Variants in C11orf24 observed in about 807,000 individuals in gnomAD.
The protein encoded by C11orf24 is uncharacterized protein C11orf24.
C11orf24 carries 5 observed loss-of-function variants against 7.3 expected under a neutral mutation model. The ratio of observed to expected loss-of-function variants is 0.69; its 90% confidence interval spans 0.36 to 1.45. C11orf24 has a LOEUF of 1.45. Ranked by LOEUF, C11orf24 falls within the 40% of genes most tolerant of loss-of-function variation. C11orf24 has a pLI of 0.03. For synonymous variants in C11orf24, 233 were observed against 235.7 expected (o/e 0.99, Z 0.11); for missense variants, 566 against 590.5 (o/e 0.96, Z 0.43).
At chr11:68,263,025 G>T in intron 3 of C11orf24, 107 bp from the exon 4 acceptor site, 1 of 943,736 alleles carries the variant, frequency 1.1e-6, no homozygotes, top group Non-Finnish European at 1.6e-6. Flanking sequence ...CCCCTCCTCA[G>T]CCCAGCCAGA....
In C11orf24 at chr11:68,261,953, C is replaced by CT; in HGVS notation, c.1041dup (p.Glu348ArgfsTer3). On this transcript the variant is annotated frameshift_variant, in exon 4 of 4. Coordinates refer to ENST00000304271, the MANE Select transcript of C11orf24 (RefSeq NM_022338.4). LOFTEE classifies it low-confidence loss of function (END_TRUNC). ...TCAGTACCTGGTGTGGCTTCAGTCT[C>CT]TACCTGCTCCGGTGCCTGGGATGTG... 1 of 1,613,972 alleles carries CT rather than the reference C, an allele frequency of 6.2e-7. No homozygotes were observed. The highest frequency in any genetic ancestry group is 1.1e-5 in the South Asian group (1 of 91,086).
intron 3 of C11orf24, 77 bp downstream of exon 3, chr11:68,263,615 G>A: frequency 7.1e-7 from 1 of 1,399,330 alleles, no homozygotes; most frequent in African/African-American, 1.4e-5. Flanking sequence ...TGGGTTTGCA[G>A]ATGCTGCTTT....
At chr11:68,270,880 A>G (rs1289592209) in intron 1 of C11orf24, among the ~76,000 whole-genome samples, 1 of 152,176 alleles carries the variant, frequency 6.6e-6, no homozygotes, top group East Asian at 1.9e-4. Context: ...ACACAGACTT[A>G]TGGCTTTGTG....
rs1555053673 is a variant in C11orf24 at position 68,262,454 on chromosome 11, T to A, written c.541A>T (p.Thr181Ser). 1.2e-6 allele frequency: 2 copies of A among 1,614,038 alleles called. No homozygotes were observed. Among genetic ancestry groups the A allele is most frequent in the Admixed American group, 1.7e-5 (1 of 60,022 alleles). ...STSTGRTPST[T>S]ATGHPSLSTA... The stretch of plus-strand genomic sequence containing the variant: ...CTGAGAGATGGATGCCCAGTGGCGG[T>A]AGTGGACGGGGTCCGCCCTGTGGAA... The change falls in exon 4 of 4, where the codon ACC (threonine) becomes TCC (serine). Residue 181 changes from threonine (T) to serine (S), a missense_variant. Coordinates refer to ENST00000304271, the MANE Select transcript of C11orf24 (RefSeq NM_022338.4).
At chr11:68,263,023 C>A in intron 3 of C11orf24, 105 bp from the exon 4 acceptor site, 2 of 944,466 alleles carry the variant, frequency 2.1e-6, no homozygotes, top group Non-Finnish European at 3.2e-6. Context: ...GCCCCCTCCT[C>A]AGCCCAGCCA....
intron 2 of C11orf24, among the ~76,000 whole-genome samples, chr11:68,266,313 C>T (rs1034257215): frequency 2.0e-5 from 3 of 152,178 alleles, no homozygotes; most frequent in Non-Finnish European, 4.4e-5. Flanking sequence ...GCAGCCACTG[C>T]GCAACAAGAA....
rs374774222 is a variant in C11orf24 at position 68,261,699 on chromosome 11, G to A, written c.1296C>T (p.Asp432=). Residue 432 remains aspartate, a synonymous_variant, in exon 4 of 4, where the codon GAC becomes GAT. Transcript: ENST00000304271. ...TGATTAAGTAGTCCACCTGGGTGTA[G>A]TCCTTCTTCTTGTAGCTCTCATAGG... is the stretch of plus-strand genomic sequence containing the variant. ...LQAYESYKKK[D]YTQVDYLING... The A allele has an allele frequency of 3.1e-6, 5 of 1,614,160 alleles. No individual in the cohort carries two copies. The highest frequency in any genetic ancestry group is 4.2e-6 in the Non-Finnish European group (5 of 1,179,990).
At chr11:68,268,719 G>A (rs189270373) in intron 1 of C11orf24, among the ~76,000 whole-genome samples, 2 of 152,154 alleles carry the variant, frequency 1.3e-5, no homozygotes, top group African/African-American at 4.8e-5. Context: ...AAACAACAAC[G>A]ACTTCCAATG....
intron 1 of C11orf24, among the ~76,000 whole-genome samples, chr11:68,269,243 TAC>T (rs1025763619): frequency 2.6e-5 from 4 of 152,196 alleles, no homozygotes; most frequent in African/African-American, 9.6e-5. Context: ...TCCCACCTGA[TAC>T]AGTTTCACAT....
intron 2 of C11orf24, chr11:68,267,343 A>T (rs2098565721): frequency 6.6e-6 from 1 of 152,232 alleles, no homozygotes. Context: ...GCCTTTCATC[A>T]TCTTCTGCTA....
At position 68,263,809 on chromosome 11, in the gene C11orf24, C is replaced by G. The variant is rs887109650; in HGVS notation, c.-42G>C. 10 of 1,545,346 alleles carry G rather than the reference C, an allele frequency of 6.5e-6. No individual in the cohort carries two copies. The highest frequency in any genetic ancestry group is 4.1e-5 in the African/African-American group (3 of 73,512). On this transcript the variant is annotated 5_prime_UTR_variant, in exon 3 of 4. Transcript: ENST00000304271. ...GAGCAAGGCTGGGCGGTCCCCGAGG[C>G]TCCCAGCCAGCCAGCTCCTCAGGCT...
At position 68,263,464 on chromosome 11, in the gene C11orf24, A is replaced by G. The variant is rs1268226200; in HGVS notation, c.76+228T>C. 7.4e-6 allele frequency: 4 copies of G among 544,162 alleles called. No individual in the cohort carries two copies. The Admixed American group carries it at 1.4e-4, about 19-fold the overall frequency. The allele number at this position is 544,162 out of a possible 1,614,324, so 33.7% of individuals were successfully genotyped here. On this transcript the variant is annotated intron_variant, in intron 3 of 3. Transcript: ENST00000304271. ...GAGATGACATCAAATCTTGCAGGCC[A>G]AGCGAGCAAACCTTTCAGGGCTCAG...
intron 1 of C11orf24, among the ~76,000 whole-genome samples, chr11:68,271,150 A>G (rs1230918232): frequency 3.9e-5 from 6 of 152,200 alleles, no homozygotes; most frequent in Admixed American, 3.9e-4. Flanking sequence ...TTTTATCGAA[A>G]TGTTAGAGAT....
chr11:68,263,912 C>G, intron 2 of C11orf24, 46 bp from the exon 3 acceptor site: 1 of 659,422 alleles, frequency 1.5e-6, no homozygotes, highest in Non-Finnish European at 2.6e-6. Flanking sequence ...TGGCCAGCAA[C>G]ACACAGCCTT....
At chr11:68,264,596 GTCCA>G (rs1158464819) in intron 2 of C11orf24, among the ~76,000 whole-genome samples, 27 of 9,542 alleles carry the variant, frequency 2.8e-3, no homozygotes, top group East Asian at 0.011. Context: ...CCATCCATAA[GTCCA>G]TCCATCCATC....
At chr11:68,270,450 T>C (rs1366674510) in intron 1 of C11orf24, among the ~76,000 whole-genome samples, 3 of 152,110 alleles carry the variant, frequency 2.0e-5, no homozygotes, top group South Asian at 2.1e-4. Context: ...GCGCACTTTA[T>C]GCAAGTTACA....
chr11:68,267,598 A>T (rs773293585), intron 2 of C11orf24: 1 of 152,394 alleles, frequency 6.6e-6, no homozygotes, highest in Non-Finnish European at 1.5e-5. Context: ...CATGCATGTA[A>T]TCCCCGCACT....
chr11:68,266,788 G>C (rs10791970), intron 2 of C11orf24, among the ~76,000 whole-genome samples: 3 of 151,892 alleles, frequency 2.0e-5, no homozygotes, highest in Non-Finnish European at 4.4e-5. Flanking sequence ...AACATCTACC[G>C]AATGTTTTTA....
chr11:68,261,599 A>C lies in C11orf24; in HGVS notation c.*46T>G. On this transcript the variant is annotated 3_prime_UTR_variant, in exon 4 of 4. Coordinates refer to ENST00000304271, the MANE Select transcript of C11orf24 (RefSeq NM_022338.4). ...TTGGTTTGGTCTCAAAGGCAAAAGG[A>C]AAGGACGAGGAAGGGGCCAGGCCTC... The C allele has an allele frequency of 6.5e-7, 1 of 1,529,276 alleles. No individual in the cohort carries two copies. The highest frequency in any genetic ancestry group is 2.3e-5 in the East Asian group (1 of 43,986). 94.7% of individuals were successfully genotyped at this position (1,529,276 alleles called of 1,614,324 possible).
Sources: gnomAD v4.1 joint callset for allele counts (sites outside exome capture counted in the v4.1 genomes callset) on GRCh38, gnomAD v4.1.1 for gene constraint, MANE v1.5 for transcripts, NCBI Gene and HGNC (gene_info 2026-07-23, HGNC 2026-07-21) for gene names.